ADAMTSL1: variants seen among roughly 807,000 people sequenced by gnomAD.
The protein encoded by ADAMTSL1 is ADAMTS-like protein 1.
Under a neutral mutation model 201.8 loss-of-function variants are expected in ADAMTSL1, and 126 were observed. The observed-to-expected ratio is 0.62, with a 90% CI of 0.54 to 0.72. The LOEUF (loss-of-function observed/expected upper bound fraction) is 0.72, where lower values mean the gene tolerates loss of function less well. ADAMTSL1 is among the 30% of genes least tolerant of loss of function. The pLI is 0.00. For missense variants in ADAMTSL1, 2,679 were observed against 2,277.8 expected (o/e 1.18, Z -3.59); for synonymous variants, 1,121 against 903.4 (o/e 1.24, Z -4.32).
chr9:18,314,815 G>A (rs1310447573), intron 2 of ADAMTSL1, among the ~76,000 whole-genome samples: 1 of 8,988 alleles, frequency 1.1e-4, no homozygotes, highest in Non-Finnish European at 2.7e-4. Context: ...TTTTTTTTTT[G>A]AGACGGAGTC....
chr9:17,936,543 C>A (rs1277877969), intron 1 of ADAMTSL1, among the ~76,000 whole-genome samples: 2 of 152,166 alleles, frequency 1.3e-5, no homozygotes, highest in African/African-American at 4.8e-5. Context: ...CTCTGAGGTC[C>A]TTTCCAGCTC....
At chr9:18,077,767 TGCTGATAGAATG>T (rs1823297563) in intron 1 of ADAMTSL1, among the ~76,000 whole-genome samples, 1 of 152,180 alleles carries the variant, frequency 6.6e-6, no homozygotes, top group Non-Finnish European at 1.5e-5. Context: ...CATATTTGTA[TGCTGATAGAATG>T]GGTAAAAGAG....
intron 2 of ADAMTSL1, among the ~76,000 whole-genome samples, chr9:18,434,131 G>A (rs1405582535): frequency 6.6e-6 from 1 of 152,152 alleles, no homozygotes; most frequent in African/African-American, 2.4e-5. Context: ...GAATACATGT[G>A]TATATTTAGC....
At chr9:18,469,919 G>A (rs1821142082), upstream of ADAMTSL1, among the ~76,000 whole-genome samples, 1 of 152,180 alleles carries the variant, frequency 6.6e-6, no homozygotes, top group Non-Finnish European at 1.5e-5. Flanking sequence ...TTGGGATGAA[G>A]GACTGCTAAC....
intron 1 of ADAMTSL1, among the ~76,000 whole-genome samples, chr9:18,492,127 C>G (rs746907769): frequency 3.9e-5 from 6 of 152,032 alleles, no homozygotes; most frequent in Non-Finnish European, 8.8e-5. Flanking sequence ...CTAAGTTACA[C>G]AGTAGGGAAG....
At chr9:18,907,322 A>G (rs1267577060) in intron 28 of ADAMTSL1, 2 of 200,658 alleles carry the variant, frequency 1.0e-5, no homozygotes, top group South Asian at 9.7e-5. Context: ...AGCCAACCAG[A>G]TCTGCGCCCA....
At chr9:18,766,749 A>T (rs1375894996) in intron 16 of ADAMTSL1, among the ~76,000 whole-genome samples, 1 of 152,134 alleles carries the variant, frequency 6.6e-6, no homozygotes, top group Non-Finnish European at 1.5e-5. Context: ...CTTTTAGAGG[A>T]TACTTATCCC....
intron 1 of ADAMTSL1, among the ~76,000 whole-genome samples, chr9:18,099,847 C>T (rs895308212): frequency 2.0e-5 from 3 of 151,962 alleles, no homozygotes; most frequent in Middle Eastern, 3.4e-3. Context: ...AGGATGGTCT[C>T]GATCTCCTGA....
intron 17 of ADAMTSL1, among the ~76,000 whole-genome samples, chr9:18,771,015 G>T (rs77891606): frequency 6.6e-6 from 1 of 152,274 alleles, no homozygotes; most frequent in African/African-American, 2.4e-5. Context: ...TTGTAAATGG[G>T]CTCCTCGTGG....
intron 3 of ADAMTSL1, among the ~76,000 whole-genome samples, chr9:18,562,257 AT>A (rs764809643): frequency 1.3e-5 from 2 of 152,054 alleles, no homozygotes; most frequent in African/African-American, 4.8e-5. Flanking sequence ...TCTGTAAAGG[AT>A]TTTATTTCTC....
chr9:17,981,478 A>G (rs1203165113), intron 1 of ADAMTSL1, among the ~76,000 whole-genome samples: 1 of 152,126 alleles, frequency 6.6e-6, no homozygotes, highest in Non-Finnish European at 1.5e-5. Context: ...CTGGTTCTTG[A>G]TCATGCTGCC....
intron 1 of ADAMTSL1, among the ~76,000 whole-genome samples, chr9:18,150,473 A>G (rs565492484): frequency 6.6e-6 from 1 of 152,204 alleles, no homozygotes; most frequent in Non-Finnish European, 1.5e-5. Flanking sequence ...TAGTTGGATG[A>G]TGACATCAAA....
rs146217231 is a variant in ADAMTSL1 at position 18,274,520 on chromosome 9, C to T, written c.207+110539C>T. Among the ~76,000 whole-genome samples, 11 of 151,794 alleles carry T rather than the reference C, an allele frequency of 7.2e-5. No individual in the cohort carries two copies. In the East Asian group the frequency reaches 1.9e-3, roughly 27 times the overall value. ...GCAATGTCTGAGGTATTTCATAATA[C>T]AACAGAAATAGGCAAAATAAAAAGA... On this transcript the variant is annotated intron_variant, in intron 2 of 29. Transcript: ENST00000680146.
intron 2 of ADAMTSL1, among the ~76,000 whole-genome samples, chr9:18,420,269 T>A (rs1303590330): frequency 6.6e-6 from 1 of 151,680 alleles, no homozygotes; most frequent in Non-Finnish European, 1.5e-5. Context: ...GAGAGGAGAG[T>A]CTGTTACAGT....
chr9:18,723,320 C>A, intron 15 of ADAMTSL1: 4 of 551,182 alleles, frequency 7.3e-6, no homozygotes, highest in Admixed American at 3.1e-5. Context: ...GAAAAACATG[C>A]AAAAGGGTCT....
intron 1 of ADAMTSL1, among the ~76,000 whole-genome samples, chr9:18,498,766 A>G (rs989696820): frequency 2.0e-5 from 3 of 152,240 alleles, no homozygotes; most frequent in Non-Finnish European, 4.4e-5. Flanking sequence ...AGCATGATAC[A>G]GGTTGTTCAA....
At chr9:18,130,177 T>C (rs1765095815) in intron 1 of ADAMTSL1, among the ~76,000 whole-genome samples, 1 of 152,158 alleles carries the variant, frequency 6.6e-6, no homozygotes, top group Non-Finnish European at 1.5e-5. Flanking sequence ...TGTCTCTCCT[T>C]GCTCCACAGG....
At chr9:17,972,432 C>T (rs372946564) in intron 1 of ADAMTSL1, among the ~76,000 whole-genome samples, 10 of 150,770 alleles carry the variant, frequency 6.6e-5, no homozygotes, top group South Asian at 6.4e-4. Flanking sequence ...TTTGTCCTTG[C>T]GATAGTTTGC....
intron 2 of ADAMTSL1, among the ~76,000 whole-genome samples, chr9:18,390,896 C>T (rs1203378059): frequency 1.3e-5 from 2 of 151,986 alleles, no homozygotes; most frequent in African/African-American, 2.4e-5. Context: ...CAAAAAAGCC[C>T]TCCAAGATAA....
Sources: gnomAD v4.1 joint callset for allele counts (sites outside exome capture counted in the v4.1 genomes callset) on GRCh38, gnomAD v4.1.1 for gene constraint, MANE v1.5 for transcripts, NCBI Gene and HGNC (gene_info 2026-07-23, HGNC 2026-07-21) for gene names.